Variants in ARHGEF2 observed in about 807,000 individuals in gnomAD.
ARHGEF2 encodes rho guanine nucleotide exchange factor 2.
ARHGEF2 carries 22 observed loss-of-function variants against 121.0 expected under a neutral mutation model. That is an observed-to-expected ratio of 0.18 (90% CI 0.13 to 0.26). The LOEUF (loss-of-function observed/expected upper bound fraction) is 0.26, where lower values mean the gene tolerates loss of function less well. Ranked by LOEUF, ARHGEF2 falls within the 10% of genes least tolerant of loss-of-function variation. The probability of loss-of-function intolerance (pLI) is 1.00; values close to 1 mark genes in which losing one functional copy is unlikely to be tolerated. For synonymous variants in ARHGEF2, 487 were observed against 530.0 expected (o/e 0.92, Z 1.11); for missense variants, 907 against 1,336.0 (o/e 0.68, Z 5.01).
Position 155,961,049 on chromosome 1 carries a change from T to A in ARHGEF2, c.1468+612A>T, listed in dbSNP as rs1418829833. On this transcript the variant is annotated intron_variant, in intron 11 of 21. Transcript: ENST00000361247. The surrounding 1 kb of genome is among the most constrained non-coding windows in gnomAD (Gnocchi z 4.7). Reference sequence around the variant, plus strand: ...GTAGCTGGGATTCCAGCTGGGGGAATCAACTGATCCTGTCCTCCAGTCTGA... The same window carrying A: ...GTAGCTGGGATTCCAGCTGGGGGAAACAACTGATCCTGTCCTCCAGTCTGA... 2.6e-5 allele frequency among the ~76,000 whole-genome samples: 4 copies of A among 152,176 alleles called. No homozygotes were observed. Among genetic ancestry groups the A allele is most frequent in the African/African-American group, 9.7e-5 (4 of 41,422 alleles).
At chr1:155,960,460 C>G (rs1677656576) in intron 11 of ARHGEF2, among the ~76,000 whole-genome samples, 1 of 115,222 alleles carries the variant, frequency 8.7e-6, no homozygotes, top group Non-Finnish European at 2.2e-5. Flanking sequence ...AAAGCGAGAC[C>G]CTGTTTCTAA....
intron 12 of ARHGEF2, 50 bp from the exon 13 acceptor site, chr1:155,957,932 G>A (rs1351364275): frequency 1.3e-6 from 2 of 1,567,544 alleles, no homozygotes; most frequent in Non-Finnish European, 1.7e-6. Flanking sequence ...CTGTCCCTTG[G>A]CATATTTAGG....
rs370081763 is a variant in ARHGEF2, at chr1:155,962,564, G to A, written c.1101+29C>T. ...GTTGGGGAGGGTGGGTTTGGGCCAT[G>A]AGCATGGGATCTGGAGAGGTCCGCT... On this transcript the variant is annotated intron_variant, in intron 9 of 21. Transcript: ENST00000361247. The surrounding 1 kb of genome is among the most constrained non-coding windows in gnomAD (Gnocchi z 5.8). 181 of 1,611,148 alleles carry A rather than the reference G, an allele frequency of 1.1e-4. 1 individual carries two copies. In the South Asian group the frequency reaches 1.7e-3, roughly 15 times the overall value.
chr1:155,953,882 T>C (rs1463251194), intron 14 of ARHGEF2, among the ~76,000 whole-genome samples: 2 of 152,070 alleles, frequency 1.3e-5, no homozygotes, highest in African/African-American at 4.8e-5. Context: ...GACATAGAGA[T>C]GAAAACTTCA....
chr1:155,948,355 C>T (rs1283108412), intron 21 of ARHGEF2, among the ~76,000 whole-genome samples: 4 of 152,160 alleles, frequency 2.6e-5, no homozygotes, highest in South Asian at 2.1e-4. Context: ...TAAAAACTGG[C>T]CCCATGGCTC....
Position 155,969,940 on chromosome 1 carries a change from G to A in ARHGEF2, c.64-640C>T, listed in dbSNP as rs555957142. The A allele has an allele frequency of 3.0e-6, 3 of 985,464 alleles. No individual in the cohort carries two copies. The South Asian group carries it at 1.4e-4, about 46-fold the overall frequency. The allele number at this position is 985,464 out of a possible 1,614,324, so 61.0% of individuals were successfully genotyped here. ...CCCTCAGCCACGGCACACAGGGCCT[G>A]TCTGGGAGGCAGCATGTCCCCTACT... On this transcript the variant is annotated intron_variant, in intron 1 of 21. Transcript: ENST00000361247.
chr1:155,969,134 T>C, intron 2 of ARHGEF2, 22 bp downstream of exon 2: 1 of 1,613,416 alleles, frequency 6.2e-7, no homozygotes, highest in Non-Finnish European at 8.5e-7. Context: ...TCTGGGTGAC[T>C]CTCAGGGTCC....
intron 1 of ARHGEF2, chr1:155,969,593 G>A: frequency 3.2e-6 from 4 of 1,251,348 alleles, no homozygotes; most frequent in Non-Finnish European, 3.0e-6. Context: ...CTAGGTCTCT[G>A]CGTCCTCACT....
intron 1 of ARHGEF2, among the ~76,000 whole-genome samples, chr1:155,975,056 C>T (rs978531506): frequency 6.7e-6 from 1 of 150,328 alleles, no homozygotes; most frequent in East Asian, 2.0e-4. Flanking sequence ...TTTTCTCTTA[C>T]CAGCTTCAGA....
chr1:155,951,046 G>A lies in ARHGEF2; in HGVS notation c.2486C>T (p.Ala829Val). ...RRCRRLGEER[A>V]TEAGSLEARL... ...GGCCTCCAGGCTGCCAGCTTCGGTTGCCCGTTCTTCACCTAGCCGCCGGCA... is the reference window on the plus strand; with the variant it reads ...GGCCTCCAGGCTGCCAGCTTCGGTTACCCGTTCTTCACCTAGCCGCCGGCA... Residue 829 changes from alanine (A) to valine (V), a missense_variant, in exon 20 of 22, where the codon GCA becomes GTA. Ala to Val is a moderately conservative substitution (Grantham distance 64). Around this residue, in one of 2 missense-constraint regions of ARHGEF2, gnomAD observed 432 missense variants for 559.5 expected, o/e 0.77. Coordinates refer to ENST00000361247, the MANE Select transcript of ARHGEF2 (RefSeq NM_001162383.2). The surrounding 1 kb of genome is among the most constrained non-coding windows in gnomAD (Gnocchi z 5.1). 1 of 1,601,972 alleles carries A rather than the reference G, an allele frequency of 6.2e-7. No individual in the cohort carries two copies. Among genetic ancestry groups the A allele is most frequent in the South Asian group, 1.1e-5 (1 of 90,198 alleles).
rs371149370 is a variant in ARHGEF2 at position 155,954,892 on chromosome 1, G to A, written c.1783+10C>T. ...TAAATTACTAAGGAGCTCCTTGTGG[G>A]TGGACTTACTCTTAATTCGCCGCAG... On this transcript the variant is annotated intron_variant, in intron 14 of 21. Coordinates refer to ENST00000361247, the MANE Select transcript of ARHGEF2 (RefSeq NM_001162383.2). 173 of 1,609,654 alleles carry A rather than the reference G, an allele frequency of 1.1e-4. No individual in the cohort carries two copies. The highest frequency in any genetic ancestry group is 1.2e-4 in the Non-Finnish European group (142 of 1,177,950).
At chr1:155,972,335 T>G in intron 1 of ARHGEF2, 2 of 459,544 alleles carry the variant, frequency 4.4e-6, no homozygotes, top group Non-Finnish European at 8.8e-6. Flanking sequence ...GCATGGGCAC[T>G]GCCCAGCAGC....
At position 155,961,922 on chromosome 1, in the gene ARHGEF2, G is replaced by A. The variant is rs745504736; in HGVS notation, c.1220-13C>T. 7 of 1,613,336 alleles carry A rather than the reference G, an allele frequency of 4.3e-6. No individual in the cohort carries two copies. In the African/African-American group the frequency reaches 9.3e-5, roughly 22 times the overall value. On this transcript the variant is annotated splice_polypyrimidine_tract_variant and intron_variant, in intron 10 of 21. Coordinates refer to ENST00000361247, the MANE Select transcript of ARHGEF2 (RefSeq NM_001162383.2). The surrounding 1 kb of genome is among the most constrained non-coding windows in gnomAD (Gnocchi z 4.7). ...TCCTCCTCGATCCCTGGCACCGGGG[G>A]TTGGCATGGGGAACGGCTCAACCAG...
rs1674607402 is a variant in ARHGEF2, at chr1:155,947,650, C to A, written c.*292G>T. 4.2e-5 allele frequency: 17 copies of A among 402,116 alleles called. No individual in the cohort carries two copies. In the South Asian group the frequency reaches 4.7e-4, roughly 11 times the overall value. 24.9% of individuals were successfully genotyped at this position (402,116 alleles called of 1,614,324 possible). On this transcript the variant is annotated 3_prime_UTR_variant, in exon 22 of 22. Coordinates refer to ENST00000361247, the MANE Select transcript of ARHGEF2 (RefSeq NM_001162383.2). Reference sequence around the variant, plus strand: ...CATGTCCCTGGTCCTTTAAATCTCCCCTCTCCCCCCATAACTAATAAACAA... The same window carrying A: ...CATGTCCCTGGTCCTTTAAATCTCCACTCTCCCCCCATAACTAATAAACAA...
rs1336031751 is a variant in ARHGEF2 at position 155,947,910 on chromosome 1, A to G, written c.*32T>C. 1 of 1,405,002 alleles carries G rather than the reference A, an allele frequency of 7.1e-7. No individual in the cohort carries two copies. The highest frequency in any genetic ancestry group is 1.4e-5 in the African/African-American group (1 of 69,866). 87.0% of individuals were successfully genotyped at this position (1,405,002 alleles called of 1,614,324 possible). On this transcript the variant is annotated 3_prime_UTR_variant, in exon 22 of 22. Transcript: ENST00000361247. ...GTTAGCCCCCTCAGTAATGTTCTTCAGTGGGGCACGGGGCAGGGGGGAGGG... is the reference window on the plus strand; with the variant it reads ...GTTAGCCCCCTCAGTAATGTTCTTCGGTGGGGCACGGGGCAGGGGGGAGGG...
At chr1:155,971,335 T>A (rs1465388092) in intron 1 of ARHGEF2, among the ~76,000 whole-genome samples, 2 of 152,006 alleles carry the variant, frequency 1.3e-5, no homozygotes, top group Admixed American at 1.3e-4. Flanking sequence ...CCCAGCACTT[T>A]GGGAGGTCGA....
chr1:155,948,466 C>A (rs1169658819), intron 21 of ARHGEF2, among the ~76,000 whole-genome samples: 2 of 151,926 alleles, frequency 1.3e-5, no homozygotes, highest in Non-Finnish European at 2.9e-5. Context: ...CCCATCTCTA[C>A]TAAAAATGCC....
chr1:155,957,562 C>T (rs977189615), intron 13 of ARHGEF2, 151 bp downstream of exon 13: 20 of 844,064 alleles, frequency 2.4e-5, no homozygotes, highest in Non-Finnish European at 3.5e-5. Flanking sequence ...CATAGGTGAC[C>T]TTTCCAGTCT....
chr1:155,955,464 A>G (rs1676469035), intron 13 of ARHGEF2, among the ~76,000 whole-genome samples: 1 of 152,054 alleles, frequency 6.6e-6, no homozygotes, highest in Non-Finnish European at 1.5e-5. Flanking sequence ...TTACTGAGAT[A>G]TATCTCTCCA....
Sources: gnomAD v4.1 joint callset for allele counts (sites outside exome capture counted in the v4.1 genomes callset) on GRCh38, gnomAD v4.1.1 for gene constraint, gnomAD v4.1.1 regional missense constraint, Gnocchi (gnomAD v3.1) non-coding constraint, MANE v1.5 for transcripts, NCBI Gene and HGNC (gene_info 2026-07-23, HGNC 2026-07-21) for gene names.